SPAG16: variants seen among roughly 807,000 people sequenced by gnomAD.
SPAG16 encodes sperm associated antigen 16, also known as sperm-associated antigen 16 protein.
Under a neutral mutation model 80.4 loss-of-function variants are expected in SPAG16, and 86 were observed. The observed-to-expected ratio is 1.07, with a 90% confidence interval of 0.90 to 1.28. The LOEUF is 1.28. SPAG16 is among the 50% of genes most tolerant of loss of function. The probability of loss-of-function intolerance (pLI) is 0.00; values close to 1 mark genes in which losing one functional copy is unlikely to be tolerated. For missense variants in SPAG16, 870 were observed against 765.3 expected, an observed-to-expected ratio of 1.14 and a Z score of -1.61; for synonymous variants, 294 against 265.9, an observed-to-expected ratio of 1.11 and a Z score of -1.03.
intron 10 of SPAG16, among the ~76,000 whole-genome samples, chr2:213,730,962 C>T (rs1308632746): frequency 6.6e-6 from 1 of 152,070 alleles, no homozygotes; most frequent in African/African-American, 2.4e-5. Context: ...ACTAATGAGT[C>T]CATCAAAGGC....
intron 13 of SPAG16, among the ~76,000 whole-genome samples, chr2:214,106,919 C>T (rs1263133911): frequency 1.3e-5 from 2 of 152,090 alleles, no homozygotes; most frequent in South Asian, 2.1e-4. Flanking sequence ...TCCAGAAAAA[C>T]TCCCTTCCTA....
intron 10 of SPAG16, among the ~76,000 whole-genome samples, chr2:213,763,822 T>G (rs1188212376): frequency 6.6e-6 from 1 of 152,224 alleles, no homozygotes; most frequent in Non-Finnish European, 1.5e-5. Context: ...CTATTTTACC[T>G]GGCACAAGTT....
chr2:214,399,673 A>G (rs1701599108), intron 15 of SPAG16, among the ~76,000 whole-genome samples: 1 of 152,254 alleles, frequency 6.6e-6, no homozygotes, highest in South Asian at 2.1e-4. Flanking sequence ...TTATTACTTT[A>G]CAATAAGACA....
intron 10 of SPAG16, among the ~76,000 whole-genome samples, chr2:213,638,844 T>C (rs2125105556): frequency 6.6e-6 from 1 of 152,342 alleles, no homozygotes; most frequent in African/African-American, 2.4e-5. Flanking sequence ...TGTGGAATAT[T>C]GAAGTTCCTC....
chr2:213,417,012 G>A (rs1324140778), intron 9 of SPAG16, among the ~76,000 whole-genome samples: 1 of 152,158 alleles, frequency 6.6e-6, no homozygotes, highest in African/African-American at 2.4e-5. Context: ...TGGTTGCCTG[G>A]TACCTAACTC....
chr2:213,496,329 G>A (rs1235751102), intron 10 of SPAG16, among the ~76,000 whole-genome samples: 1 of 152,136 alleles, frequency 6.6e-6, no homozygotes, highest in Non-Finnish European at 1.5e-5. Context: ...CTGAGAACAG[G>A]AAGAATAGAG....
intron 5 of SPAG16, among the ~76,000 whole-genome samples, chr2:213,323,491 G>T (rs758709496): frequency 1.3e-5 from 2 of 152,138 alleles, no homozygotes; most frequent in African/African-American, 4.8e-5. Context: ...TGTAAATGTG[G>T]AAGAATTGGA....
At chr2:213,610,912 G>A (rs1349134422) in intron 10 of SPAG16, among the ~76,000 whole-genome samples, 2 of 152,022 alleles carry the variant, frequency 1.3e-5, no homozygotes, top group Non-Finnish European at 2.9e-5. Context: ...TCAAGATATC[G>A]GGATATCTGG....
intron 1 of SPAG16, among the ~76,000 whole-genome samples, chr2:213,291,578 T>TG (rs1177293738): frequency 6.6e-6 from 1 of 152,210 alleles, no homozygotes; most frequent in African/African-American, 2.4e-5. Context: ...CTCTTTCCTC[T>TG]GGGGGTCTTC....
intron 10 of SPAG16, among the ~76,000 whole-genome samples, chr2:213,857,330 C>T (rs888794748): frequency 2.0e-5 from 3 of 152,210 alleles, no homozygotes; most frequent in African/African-American, 7.2e-5. Flanking sequence ...TTCAACAACT[C>T]CACCTGACAG....
rs368366898 is a variant in SPAG16, at chr2:213,292,682, A to ACAAC, written c.137-3382_137-3381insCAAC. ...CCGTCTCAAAAAAAAAAAACAAAAA[A>ACAAC]AACAAAAAAAAACAAAACTATCAGA... On this transcript the variant is annotated intron_variant, in intron 1 of 15. Transcript: ENST00000331683. Among the ~76,000 whole-genome samples the ACAAC allele has an allele frequency of 2.5e-4, 34 of 134,356 alleles. 1 individual carries two copies. Among genetic ancestry groups the ACAAC allele is most frequent in the Non-Finnish European group, 3.9e-4 (24 of 62,264 alleles). The allele number at this position is 134,356 out of a possible 152,430, so 88.1% of individuals were successfully genotyped here. A position where few individuals can be genotyped will look rare whatever the true frequency, so the allele number is the denominator to read the frequency against.
chr2:213,857,827 A>T (rs1375070893), intron 10 of SPAG16, among the ~76,000 whole-genome samples: 1 of 152,234 alleles, frequency 6.6e-6, no homozygotes. Context: ...AGAGACTTTC[A>T]TGATTTATAG....
chr2:213,515,934 T>C (rs1332230090), intron 10 of SPAG16, among the ~76,000 whole-genome samples: 1 of 152,194 alleles, frequency 6.6e-6, no homozygotes, highest in African/African-American at 2.4e-5. Flanking sequence ...CAATGATTCC[T>C]GTACTCCCAA....
chr2:214,381,754 GTTAC>G (rs1700460790), intron 15 of SPAG16, among the ~76,000 whole-genome samples: 1 of 152,180 alleles, frequency 6.6e-6, no homozygotes, highest in Admixed American at 6.5e-5. Flanking sequence ...TAGTCAATCT[GTTAC>G]TTAATCCAAT....
chr2:213,933,781 A>G (rs2078873349), intron 12 of SPAG16, among the ~76,000 whole-genome samples: 2 of 152,202 alleles, frequency 1.3e-5, no homozygotes, highest in African/African-American at 4.8e-5. Context: ...TGGGAAGAGG[A>G]AAATAAAGAA....
At chr2:213,632,913 A>G (rs1057089147) in intron 10 of SPAG16, among the ~76,000 whole-genome samples, 1 of 152,098 alleles carries the variant, frequency 6.6e-6, no homozygotes, top group Non-Finnish European at 1.5e-5. Context: ...TTCATCAGAG[A>G]TATTCACCTG....
At chr2:213,454,646 C>T (rs111787465) in intron 9 of SPAG16, among the ~76,000 whole-genome samples, 9 of 152,280 alleles carry the variant, frequency 5.9e-5, no homozygotes, top group African/African-American at 2.2e-4. Flanking sequence ...AATTATAATG[C>T]TTAGCAGTGA....
chr2:213,484,566 A>G (rs1358070893), intron 9 of SPAG16, among the ~76,000 whole-genome samples: 2 of 152,332 alleles, frequency 1.3e-5, no homozygotes, highest in Admixed American at 1.3e-4. Flanking sequence ...TCCTCTCCAC[A>G]TGGGAAATTA....
intron 13 of SPAG16, among the ~76,000 whole-genome samples, chr2:214,030,863 A>C (rs564551027): frequency 6.6e-6 from 1 of 152,318 alleles, no homozygotes; most frequent in African/African-American, 2.4e-5. Flanking sequence ...GCCACAGCTT[A>C]CTAGGCTCAA....
Sources: gnomAD v4.1 joint callset for allele counts (sites outside exome capture counted in the v4.1 genomes callset) on GRCh38, gnomAD v4.1.1 for gene constraint, MANE v1.5 for transcripts, NCBI Gene and HGNC (gene_info 2026-07-23, HGNC 2026-07-21) for gene names.